The following PBX3 variants were observed in gnomAD, a reference collection of about 807,000 sequenced individuals.
PBX3 encodes the protein pre-B-cell leukemia transcription factor 3.
A neutral mutation model predicts 48.5 loss-of-function variants in PBX3; 14 were observed. That is an observed-to-expected ratio of 0.29 (90% confidence interval 0.19 to 0.45). PBX3 has a LOEUF of 0.45. PBX3 is among the 20% of genes least tolerant of loss of function. The probability of loss-of-function intolerance (pLI) is 1.00; values close to 1 mark genes in which losing one functional copy is unlikely to be tolerated. For missense variants in PBX3, 386 were observed against 546.7 expected, an observed-to-expected ratio of 0.71 and a Z score of 2.93; for synonymous variants, 210 against 200.3, an observed-to-expected ratio of 1.05 and a Z score of -0.41.
At chr9:125,942,510 A>C (rs1371430071) in intron 5 of PBX3, among the ~76,000 whole-genome samples, 1 of 152,246 alleles carries the variant, frequency 6.6e-6, no homozygotes, top group Non-Finnish European at 1.5e-5. Flanking sequence ...TAAAATAAGA[A>C]GAAGCCCGTT....
At chr9:125,960,379 G>T (rs1842400391) in intron 5 of PBX3, among the ~76,000 whole-genome samples, 1 of 152,104 alleles carries the variant, frequency 6.6e-6, no homozygotes, top group South Asian at 2.1e-4. Flanking sequence ...TGATTTTGGG[G>T]GCCTGACTAT....
At chr9:125,793,508 C>CATCCT (rs1178955183) in intron 2 of PBX3, among the ~76,000 whole-genome samples, 2 of 151,286 alleles carry the variant, frequency 1.3e-5, no homozygotes, top group Non-Finnish European at 2.9e-5. Context: ...CAGCTCACTG[C>CATCCT]ATCCTTCGCC....
chr9:125,892,480 A>G lies in PBX3; in HGVS notation c.275-23206A>G, dbSNP rs1301279360. On this transcript the variant is annotated intron_variant, in intron 2 of 8. Coordinates refer to ENST00000373489, the MANE Select transcript of PBX3 (RefSeq NM_006195.6). Reference sequence around the variant, plus strand: ...CCCACCAAAAAAATCATATTCTTACATGGTATCATTAGCTTTGACATCACT... The same window carrying G: ...CCCACCAAAAAAATCATATTCTTACGTGGTATCATTAGCTTTGACATCACT... Among the ~76,000 whole-genome samples the G allele has an allele frequency of 2.0e-5, 3 of 152,188 alleles. No homozygotes were observed. In the East Asian group the frequency reaches 5.8e-4, roughly 29 times the overall value.
At chr9:125,756,332 A>G (rs963042094) in intron 2 of PBX3, among the ~76,000 whole-genome samples, 10 of 152,090 alleles carry the variant, frequency 6.6e-5, no homozygotes, top group African/African-American at 2.2e-4. Flanking sequence ...CTATTTTGTG[A>G]TATTTCTTAT....
chr9:125,824,258 C>T (rs1218401789), intron 2 of PBX3, among the ~76,000 whole-genome samples: 2 of 152,062 alleles, frequency 1.3e-5, no homozygotes, highest in Non-Finnish European at 2.9e-5. Flanking sequence ...AGAGGGGCTA[C>T]GTAACCACTA....
At chr9:125,859,972 A>C (rs529028971) in intron 2 of PBX3, among the ~76,000 whole-genome samples, 1 of 152,278 alleles carries the variant, frequency 6.6e-6, no homozygotes, top group African/African-American at 2.4e-5. Flanking sequence ...CACTCACTCA[A>C]ATAATTTTCT....
At chr9:125,858,843 C>T (rs560583613) in intron 2 of PBX3, among the ~76,000 whole-genome samples, 1 of 152,230 alleles carries the variant, frequency 6.6e-6, no homozygotes, top group Non-Finnish European at 1.5e-5. Context: ...CCAGGCTGGT[C>T]TTGAACTCCG....
chr9:125,950,523 G>A (rs1231944362), intron 5 of PBX3, among the ~76,000 whole-genome samples: 6 of 145,130 alleles, frequency 4.1e-5, no homozygotes, highest in African/African-American at 1.5e-4. Flanking sequence ...CTGTTGCCCA[G>A]GCTGGAGGTG....
intron 2 of PBX3, among the ~76,000 whole-genome samples, chr9:125,822,617 T>A (rs1294187669): frequency 6.6e-6 from 1 of 152,194 alleles, no homozygotes; most frequent in Non-Finnish European, 1.5e-5. Flanking sequence ...CAGACTACAC[T>A]ATTTTTATAA....
chr9:125,882,486 T>C (rs1245922424), intron 2 of PBX3, among the ~76,000 whole-genome samples: 1 of 152,244 alleles, frequency 6.6e-6, no homozygotes, highest in African/African-American at 2.4e-5. Context: ...TAACATTGGT[T>C]CTATTTTTTA....
rs542398925 is a variant in PBX3 at position 125,965,840 on chromosome 9, G to A, written c.1222G>A (p.Gly408Ser). Residue 408 changes from glycine (G) to serine (S), a missense_variant, in exon 9 of 9, where the codon GGC becomes AGC. Gly to Ser is a moderately conservative substitution (Grantham distance 56). Coordinates refer to ENST00000373489, the MANE Select transcript of PBX3 (RefSeq NM_006195.6). ...GTGTTTCTCCTTTCAGGCTAATGGA[G>A]GCTGGCAGGACGCAACAACTCCATC... Reference protein sequence around the residue: ...YSPHNLNANGGWQDATTPSSV... With the variant: ...YSPHNLNANGSWQDATTPSSV... The A allele has an allele frequency of 6.2e-7, 1 of 1,613,982 alleles. No homozygotes were observed. Among genetic ancestry groups the A allele is most frequent in the African/African-American group, 1.3e-5 (1 of 75,048 alleles).
At chr9:125,906,358 A>G (rs937218261) in intron 2 of PBX3, among the ~76,000 whole-genome samples, 2 of 151,996 alleles carry the variant, frequency 1.3e-5, no homozygotes, top group Non-Finnish European at 2.9e-5. Flanking sequence ...CATCAGGGTA[A>G]TTTGGCATTG....
At chr9:125,868,074 A>AGCC (rs1156338486) in intron 2 of PBX3, among the ~76,000 whole-genome samples, 7 of 151,884 alleles carry the variant, frequency 4.6e-5, no homozygotes, top group African/African-American at 1.7e-4. Flanking sequence ...AGGGTCTCAC[A>AGCC]ATGTTGTCCA....
chr9:125,810,396 G>GTGTC, intron 2 of PBX3, among the ~76,000 whole-genome samples: 1 of 151,744 alleles, frequency 6.6e-6, no homozygotes, highest in African/African-American at 2.4e-5. Flanking sequence ...GTGTGTGTGT[G>GTGTC]TATGGTGGAG....
At position 125,907,162 on chromosome 9, in the gene PBX3, C is replaced by G. The variant is rs73667287; in HGVS notation, c.275-8524C>G. Among the ~76,000 whole-genome samples, 6 of 151,846 alleles carry G rather than the reference C, an allele frequency of 4.0e-5. No homozygotes were observed. The South Asian group carries it at 1.2e-3, about 32-fold the overall frequency. On this transcript the variant is annotated intron_variant, in intron 2 of 8. Coordinates refer to ENST00000373489, the MANE Select transcript of PBX3 (RefSeq NM_006195.6). ...AACACAAAAGAGCAAAAGAAGGAAC[C>G]AGAAACTTAGGTCATAATAATTGAG...
chr9:125,961,773 G>C (rs893223100), intron 6 of PBX3, among the ~76,000 whole-genome samples: 4 of 152,212 alleles, frequency 2.6e-5, no homozygotes, highest in African/African-American at 9.6e-5. Context: ...CTAAATCCTG[G>C]AGATGAGTGG....
chr9:125,856,758 T>A (rs535998612), intron 2 of PBX3, among the ~76,000 whole-genome samples: 1 of 152,370 alleles, frequency 6.6e-6, no homozygotes, highest in Non-Finnish European at 1.5e-5. Context: ...ATGTTTATTA[T>A]TTCATATGAC....
At chr9:125,957,198 T>G (rs1226974164) in intron 5 of PBX3, among the ~76,000 whole-genome samples, 1 of 152,194 alleles carries the variant, frequency 6.6e-6, no homozygotes, top group Non-Finnish European at 1.5e-5. Context: ...TTAGATGTGG[T>G]TATGCAGGTT....
At chr9:125,870,212 G>T (rs1301856934) in intron 2 of PBX3, among the ~76,000 whole-genome samples, 1 of 152,018 alleles carries the variant, frequency 6.6e-6, no homozygotes, top group Non-Finnish European at 1.5e-5. Context: ...GGGATTGCAG[G>T]TGTGCGCCAT....
Sources: allele counts gnomAD v4.1 joint callset (sites outside exome capture counted in the v4.1 genomes callset), GRCh38; gene constraint gnomAD v4.1.1; transcripts MANE v1.5; gene names NCBI Gene and HGNC (gene_info 2026-07-23, HGNC 2026-07-21).